The following ADCY8 variants were observed in gnomAD, a reference collection of about 807,000 sequenced individuals.
The protein encoded by ADCY8 is adenylate cyclase type 8.
Under a neutral mutation model 119.7 loss-of-function variants are expected in ADCY8, and 51 were observed. The ratio of observed to expected loss-of-function variants is 0.43; its 90% CI spans 0.34 to 0.54. The LOEUF (loss-of-function observed/expected upper bound fraction) is 0.54. ADCY8 is among the 20% of genes least tolerant of loss of function. The pLI, the probability that ADCY8 is intolerant of heterozygous loss-of-function variation, is 0.03. For synonymous variants in ADCY8, 665 were observed against 651.0 expected (o/e 1.02, Z -0.33); for missense variants, 1,383 against 1,598.8 (o/e 0.87, Z 2.30).
chr8:130,951,397 G>A (rs1821266568), intron 3 of ADCY8, among the ~76,000 whole-genome samples: 2 of 152,154 alleles, frequency 1.3e-5, no homozygotes. Context: ...TGGATGGATG[G>A]ATAGATGGAT....
intron 2 of ADCY8, among the ~76,000 whole-genome samples, chr8:130,957,642 C>T (rs1051755124): frequency 1.3e-5 from 2 of 152,140 alleles, no homozygotes; most frequent in African/African-American, 4.8e-5. Context: ...GACCCAGAGG[C>T]CTAGGAAAAA....
intron 11 of ADCY8, among the ~76,000 whole-genome samples, chr8:130,841,940 T>G (rs1817155724): frequency 6.6e-6 from 1 of 152,200 alleles, no homozygotes; most frequent in African/African-American, 2.4e-5. Context: ...GCCTAGACTC[T>G]GCAGAATGTC....
intron 2 of ADCY8, among the ~76,000 whole-genome samples, chr8:130,952,546 TTGGA>T (rs150894993): frequency 0.047 from 7,140 of 151,818 alleles, 185 homozygotes; most frequent in Non-Finnish European, 0.055. Flanking sequence ...AGCAATGAGG[TTGGA>T]GGTGTAGCTA....
At chr8:130,886,379 A>G (rs1818984653) in intron 7 of ADCY8, among the ~76,000 whole-genome samples, 1 of 152,096 alleles carries the variant, frequency 6.6e-6, no homozygotes, top group Non-Finnish European at 1.5e-5. Flanking sequence ...GCTGGAGCAG[A>G]GACAAGGAGG....
chr8:131,015,141 T>C (rs1056398814), intron 1 of ADCY8, among the ~76,000 whole-genome samples: 1 of 152,170 alleles, frequency 6.6e-6, no homozygotes, highest in African/African-American at 2.4e-5. Flanking sequence ...TTCAATTTGG[T>C]GAGAGCAGGA....
intron 2 of ADCY8, among the ~76,000 whole-genome samples, chr8:130,979,074 A>G (rs1822159933): frequency 6.6e-6 from 1 of 152,184 alleles, no homozygotes; most frequent in South Asian, 2.1e-4. Flanking sequence ...TATGATTATT[A>G]GCAGTTTTCT....
intron 11 of ADCY8, among the ~76,000 whole-genome samples, chr8:130,838,761 T>C (rs771037561): frequency 2.8e-5 from 4 of 141,606 alleles, no homozygotes; most frequent in Non-Finnish European, 6.4e-5. Context: ...TGCTAGGCAC[T>C]GGAAATTCAA....
intron 1 of ADCY8, among the ~76,000 whole-genome samples, chr8:131,021,022 G>T (rs1389112026): frequency 6.6e-6 from 1 of 152,054 alleles, no homozygotes; most frequent in Non-Finnish European, 1.5e-5. Flanking sequence ...ATTTGTCTTA[G>T]GTGATTAAAC....
At chr8:130,912,252 G>A (rs1296410864) in intron 5 of ADCY8, among the ~76,000 whole-genome samples, 8 of 152,152 alleles carry the variant, frequency 5.3e-5, no homozygotes, top group Admixed American at 1.3e-4. Flanking sequence ...AATTGAGAAT[G>A]GGGACTTTGA....
rs74774113 is a variant in ADCY8 at position 130,786,956 on chromosome 8, C to A, written c.3061-1481G>T. ...AAGGGGAGCATCCAGAAATAGGGGC[C>A]AGCATAGATGAGGTCTGGAAGTTGG... On this transcript the variant is annotated intron_variant, in intron 15 of 17. Transcript: ENST00000286355. Among the ~76,000 whole-genome samples, 21 of 151,988 alleles carry A rather than the reference C, an allele frequency of 1.4e-4. No individual in the cohort carries two copies. The East Asian group carries it at 4.1e-3, about 29-fold the overall frequency.
At chr8:130,915,944 A>G (rs1820113837) in intron 5 of ADCY8, among the ~76,000 whole-genome samples, 1 of 152,312 alleles carries the variant, frequency 6.6e-6, no homozygotes, top group South Asian at 2.1e-4. Flanking sequence ...GCCCTTGAAC[A>G]TTCCAGAACA....
At position 130,783,794 on chromosome 8, in the gene ADCY8, G is replaced by C. The variant is rs1301681952; in HGVS notation, c.3165C>G (p.Asp1055Glu). Residue 1055 changes from aspartate (D) to glutamate (E), a missense_variant, in exon 17 of 18, where the codon GAC becomes GAG. Around this residue, in one of 2 missense-constraint regions of ADCY8, gnomAD observed 928 missense variants for 1,163.5 expected, o/e 0.80. Transcript: ENST00000286355. Reference sequence around the variant, plus strand: ...CCAGAGCACACAAATGTCCCCACTTGTCTTCACATTGCTGAAGCAAACATG... The same window carrying C: ...CCAGAGCACACAAATGTCCCCACTTCTCTTCACATTGCTGAAGCAAACATG... ...GLSPEKQQCE[D>E]KWGHLCALAD... 6.2e-7 allele frequency: 1 copy of C among 1,612,986 alleles called. No homozygotes were observed.
chr8:130,975,106 C>G (rs759241728), intron 2 of ADCY8, among the ~76,000 whole-genome samples: 7 of 152,180 alleles, frequency 4.6e-5, no homozygotes, highest in South Asian at 2.1e-4. Flanking sequence ...TGGGCAAGAA[C>G]AGTGCTGTCC....
Position 130,990,377 on chromosome 8 carries a change from CCTTG to C in ADCY8, c.1110+12_1110+15del, listed in dbSNP as rs1563757900. The C allele has an allele frequency of 3.1e-6, 5 of 1,613,442 alleles. No individual in the cohort carries two copies. The highest frequency in any genetic ancestry group is 4.2e-6 in the Non-Finnish European group (5 of 1,179,712). ...GCTAGGTGATAACTAAAACACACAG[CCTTG>C]TCAGTTGGTACCTGTCTTTGGTTCT... On this transcript the variant is annotated intron_variant, in intron 2 of 17. Transcript: ENST00000286355.
At chr8:131,030,022 G>GGGC (rs1192764071) in intron 1 of ADCY8, among the ~76,000 whole-genome samples, 1 of 152,126 alleles carries the variant, frequency 6.6e-6, no homozygotes, top group Non-Finnish European at 1.5e-5. Context: ...TGACCTCAAG[G>GGGC]GGCTCATAGT....
chr8:130,985,359 G>C (rs769172606), intron 2 of ADCY8, among the ~76,000 whole-genome samples: 2 of 152,168 alleles, frequency 1.3e-5, no homozygotes, highest in Non-Finnish European at 2.9e-5. Flanking sequence ...GGAAAAAGGT[G>C]TAAACAAAGG....
At chr8:130,820,621 A>G (rs986685132) in intron 13 of ADCY8, among the ~76,000 whole-genome samples, 4 of 152,192 alleles carry the variant, frequency 2.6e-5, no homozygotes, top group African/African-American at 9.7e-5. Flanking sequence ...TCCACACATA[A>G]CATGTTTGCA....
chr8:130,898,994 G>A (rs1201928324), intron 7 of ADCY8, among the ~76,000 whole-genome samples: 2 of 152,130 alleles, frequency 1.3e-5, no homozygotes, highest in Non-Finnish European at 2.9e-5. Context: ...CTTGCAGGAC[G>A]GAGGTCCCAG....
At position 130,783,775 on chromosome 8, in the gene ADCY8, C is replaced by A. The variant is rs761676653; in HGVS notation, c.3184G>T (p.Ala1062Ser). Residue 1062 changes from alanine (A) to serine (S), a missense_variant, in exon 17 of 18, where the codon GCT (alanine) becomes TCT (serine). Physicochemically the swap from Ala to Ser is moderately conservative, Grantham distance 99. Around this residue, in one of 2 missense-constraint regions of ADCY8, gnomAD observed 928 missense variants for 1,163.5 expected, o/e 0.80. Coordinates refer to ENST00000286355, the MANE Select transcript of ADCY8 (RefSeq NM_001115.3). ...AGGGCGAGTGAGAAGTCAGCCAGAG[C>A]ACACAAATGTCCCCACTTGTCTTCA... ...QCEDKWGHLC[A>S]LADFSLALTE... is the part of the protein sequence containing the mutation. The A allele has an allele frequency of 7.4e-6, 12 of 1,613,652 alleles. No homozygotes were observed. In the African/African-American group the frequency reaches 1.6e-4, roughly 22 times the overall value.
Sources: gnomAD v4.1 joint callset for allele counts (sites outside exome capture counted in the v4.1 genomes callset) on GRCh38, gnomAD v4.1.1 for gene constraint, gnomAD v4.1.1 regional missense constraint, MANE v1.5 for transcripts, NCBI Gene and HGNC (gene_info 2026-07-23, HGNC 2026-07-21) for gene names.